PFKFB4: variants seen among roughly 807,000 people sequenced by gnomAD.
PFKFB4 encodes 6-phosphofructo-2-kinase/fructose-2,6-biphosphatase 4, also known as 6-phosphofructo-2-kinase/fructose-2,6-bisphosphatase 4.
Under a neutral mutation model 62.8 loss-of-function variants are expected in PFKFB4, and 42 were observed. The observed-to-expected ratio is 0.67, with a 90% CI of 0.52 to 0.86. PFKFB4 has a LOEUF of 0.86. PFKFB4 is among the 40% of genes least tolerant of loss of function. The pLI is 0.00. For missense variants in PFKFB4, 475 were observed against 627.2 expected, an observed-to-expected ratio of 0.76 and a Z score of 2.59; for synonymous variants, 204 against 240.7, an observed-to-expected ratio of 0.85 and a Z score of 1.41.
Position 48,525,572 on chromosome 3 carries a change from T to G in PFKFB4, c.1085A>C (p.Lys362Thr). 1 of 1,560,262 alleles carries G rather than the reference T, an allele frequency of 6.4e-7. No individual in the cohort carries two copies. Among genetic ancestry groups the G allele is most frequent in the Non-Finnish European group, 8.8e-7 (1 of 1,141,784 alleles). ...DQDKYRYRYP[K>T]GESYEDLVQR... ...GCCCCAAATCCCACCTACCTCCCCTTTAGGGTACCGGTACCGGTACTTGTC... is the reference window on the plus strand; with the variant it reads ...GCCCCAAATCCCACCTACCTCCCCTGTAGGGTACCGGTACCGGTACTTGTC... The change falls in exon 10 of 14, where the codon AAA becomes ACA. Residue 362 changes from lysine to threonine, a missense_variant. Lys to Thr is a moderately conservative substitution (Grantham distance 78). Transcript: ENST00000232375.
At chr3:48,550,919 C>T (rs534588210) in intron 1 of PFKFB4, among the ~76,000 whole-genome samples, 5 of 152,310 alleles carry the variant, frequency 3.3e-5, no homozygotes, top group Admixed American at 6.5e-5. Context: ...CCTGGCACAG[C>T]GCTGGTGCTC....
At chr3:48,555,249 G>A (rs1268852182) in intron 1 of PFKFB4, among the ~76,000 whole-genome samples, 1 of 152,022 alleles carries the variant, frequency 6.6e-6, no homozygotes, top group Non-Finnish European at 1.5e-5. Context: ...AGCCCCACCA[G>A]GACCTACATC....
chr3:48,519,560 A>C lies in PFKFB4; in HGVS notation c.*187T>G. 2 of 587,170 alleles carry C rather than the reference A, an allele frequency of 3.4e-6. No individual in the cohort carries two copies. The highest frequency in any genetic ancestry group is 6.1e-6 in the Non-Finnish European group (2 of 326,652). The allele number at this position is 587,170 out of a possible 1,614,324, so 36.4% of individuals were successfully genotyped here. On this transcript the variant is annotated 3_prime_UTR_variant, in exon 14 of 14. Transcript: ENST00000232375. ...TAGCAGCAGGTCAGGAGCCACGCAC[A>C]ACCTTGTCGCCGACTGTCAACAAAG...
intron 1 of PFKFB4, among the ~76,000 whole-genome samples, chr3:48,550,761 G>A (rs1044133975): frequency 1.3e-5 from 2 of 152,134 alleles, no homozygotes; most frequent in African/African-American, 4.8e-5. Flanking sequence ...CTTCCTCAAT[G>A]AGTCCTTTCC....
chr3:48,557,192 G>C (rs1323283263), upstream of PFKFB4, among the ~76,000 whole-genome samples: 1 of 152,228 alleles, frequency 6.6e-6, no homozygotes, highest in African/African-American at 2.4e-5. Flanking sequence ...CTGCATCCCT[G>C]AGCAGCGGCA....
At chr3:48,532,147 A>C (rs571969644) in intron 9 of PFKFB4, among the ~76,000 whole-genome samples, 1 of 152,246 alleles carries the variant, frequency 6.6e-6, no homozygotes, top group East Asian at 1.9e-4. Context: ...TCTCTACTAA[A>C]AATACAAAAA....
chr3:48,562,459 C>T (rs935156484), upstream of PFKFB4: 3 of 370,544 alleles, frequency 8.1e-6, no homozygotes, highest in African/African-American at 6.3e-5. This position sits in a 1 kb window ranked among gnomAD's most constrained non-coding sequence, Gnocchi z 4.3. Flanking sequence ...ACAGCAGTGA[C>T]CTTACGTGGC....
upstream of PFKFB4, chr3:48,562,285 G>A (rs1439316241): frequency 3.2e-5 from 5 of 157,294 alleles, no homozygotes; most frequent in African/African-American, 1.2e-4. This position sits in a 1 kb window ranked among gnomAD's most constrained non-coding sequence, Gnocchi z 4.3. Context: ...ATTTCTCTGT[G>A]TGGTGGCCTA....
At chr3:48,523,472 C>A in intron 12 of PFKFB4, 65 bp downstream of exon 12, 10 of 1,445,324 alleles carry the variant, frequency 6.9e-6, no homozygotes, top group Non-Finnish European at 9.7e-6. Flanking sequence ...CGGAGAAAAT[C>A]ATGGAACTGT....
At chr3:48,557,243 C>T (rs963456772), upstream of PFKFB4, among the ~76,000 whole-genome samples, 7 of 152,174 alleles carry the variant, frequency 4.6e-5, no homozygotes, top group Admixed American at 2.0e-4. Context: ...AGCCCAGGGC[C>T]CCCAGGAGGG....
chr3:48,562,673 G>A, upstream of PFKFB4: 1 of 1,035,922 alleles, frequency 9.7e-7, no homozygotes, highest in Non-Finnish European at 1.4e-6. This position sits in a 1 kb window ranked among gnomAD's most constrained non-coding sequence, Gnocchi z 4.3. Flanking sequence ...CCCAGATGTG[G>A]CAGCGTCCAG....
At chr3:48,552,392 G>A (rs1044344612) in intron 1 of PFKFB4, among the ~76,000 whole-genome samples, 13 of 152,256 alleles carry the variant, frequency 8.5e-5, no homozygotes, top group Admixed American at 7.2e-4. Flanking sequence ...CATCACTCCT[G>A]TGCATTCCCC....
chr3:48,522,425 G>C (rs931106283), intron 12 of PFKFB4, among the ~76,000 whole-genome samples: 6 of 152,238 alleles, frequency 3.9e-5, no homozygotes, highest in African/African-American at 9.6e-5. Context: ...CGTGTGCCAG[G>C]TGCACAGTGC....
Position 48,535,548 on chromosome 3 carries a change from G to T in PFKFB4, c.951C>A (p.Pro317=), listed in dbSNP as rs1363825600. The change falls in exon 9 of 14, where the codon CCC becomes CCA. Residue 317 remains proline, a synonymous_variant. Transcript: ENST00000232375. ...CGTTGAGGACCTTCCACTGTTCATA[G>T]GGCACACCCAGTGCCTCAGCCGTCT... ...TIQTAEALGV[P]YEQWKVLNEI... The T allele has an allele frequency of 6.2e-7, 1 of 1,613,988 alleles. No individual in the cohort carries two copies. The highest frequency in any genetic ancestry group is 2.2e-5 in the East Asian group (1 of 44,900).
chr3:48,535,789 A>G, intron 8 of PFKFB4, 131 bp from the exon 9 acceptor site: 1 of 1,065,522 alleles, frequency 9.4e-7, no homozygotes, highest in Non-Finnish European at 1.4e-6. Flanking sequence ...AGCATGAACT[A>G]ACTTGTCGAT....
At chr3:48,550,283 C>T (rs769558405) in intron 1 of PFKFB4, 49 bp from the exon 2 acceptor site, 59 of 1,196,380 alleles carry the variant, frequency 4.9e-5, no homozygotes, top group South Asian at 3.9e-4. Context: ...ACCCTCCCAG[C>T]GCACCCCTCC....
At chr3:48,538,386 T>C (rs2042691929) in intron 7 of PFKFB4, 112 bp downstream of exon 7, 1 of 1,329,616 alleles carries the variant, frequency 7.5e-7, no homozygotes, top group African/African-American at 1.4e-5. Flanking sequence ...GGTCAGACCA[T>C]CTCTGCTTTT....
Position 48,522,141 on chromosome 3 carries a change from G to A in PFKFB4, c.1286-91C>T, listed in dbSNP as rs571464314. On this transcript the variant is annotated intron_variant, in intron 12 of 13. Coordinates refer to ENST00000232375, the MANE Select transcript of PFKFB4 (RefSeq NM_004567.4). ...ACTTCTCTTGGAGGGGGGTCTGGGC[G>A]TGTGGAATGGAGCAGCCATCTCAGC... 86 of 1,132,272 alleles carry A rather than the reference G, an allele frequency of 7.6e-5. No homozygotes were observed. In the Middle Eastern group the frequency reaches 7.8e-4, roughly 10 times the overall value. 70.1% of individuals were successfully genotyped at this position (1,132,272 alleles called of 1,614,324 possible). A position where few individuals can be genotyped will look rare whatever the true frequency, so the allele number is the denominator to read the frequency against.
At chr3:48,543,244 C>G (rs2042851092) in intron 4 of PFKFB4, among the ~76,000 whole-genome samples, 1 of 152,182 alleles carries the variant, frequency 6.6e-6, no homozygotes, top group African/African-American at 2.4e-5. Context: ...TAATGCTGGG[C>G]AGGATTCTCC....
Sources: allele counts gnomAD v4.1 joint callset (sites outside exome capture counted in the v4.1 genomes callset), GRCh38; gene constraint gnomAD v4.1.1; non-coding constraint Gnocchi (gnomAD v3.1); transcripts MANE v1.5; gene names NCBI Gene and HGNC (gene_info 2026-07-23, HGNC 2026-07-21).